The following DSC2 variants were observed in gnomAD, a reference collection of about 807,000 sequenced individuals.
DSC2 encodes desmocollin-2.
Under a neutral mutation model 87.6 loss-of-function variants are expected in DSC2, and 51 were observed. That is an observed-to-expected ratio of 0.58 (90% CI 0.46 to 0.74). DSC2 has a LOEUF of 0.74. Ranked by LOEUF, DSC2 falls within the 30% of genes least tolerant of loss-of-function variation. DSC2 has a pLI of 0.00. For missense variants in DSC2, 1,066 were observed against 1,089.5 expected, an observed-to-expected ratio of 0.98 and a Z score of 0.30; for synonymous variants, 383 against 393.2, an observed-to-expected ratio of 0.97 and a Z score of 0.31.
At position 31,091,028 on chromosome 18, in the gene DSC2, C is replaced by G; in HGVS notation, c.474G>C (p.Gln158His). 6.2e-7 allele frequency: 1 copy of G among 1,613,894 alleles called. No homozygotes were observed. The highest frequency in any genetic ancestry group is 2.2e-5 in the East Asian group (1 of 44,858). ...ACAGCAGAAAGAAAGAAAACGGTAC[C>G]TGTTGAAGGAAAAGTGGAAAAGGAC... Reference protein sequence around the residue: ...SLGPFPLFLQQVQSDTAQNYT... With the variant: ...SLGPFPLFLQHVQSDTAQNYT... The change falls in exon 4 of 16, where the codon CAG becomes CAC. Residue 158 changes from glutamine (Q) to histidine (H), a missense_variant and splice_region_variant. Gln to His is a conservative substitution (Grantham distance 24). Transcript: ENST00000280904.
chr18:31,074,382 A>G (rs1206827274), intron 12 of DSC2, among the ~76,000 whole-genome samples: 7 of 151,900 alleles, frequency 4.6e-5, no homozygotes. Context: ...TGACTGCATT[A>G]GACCAAGTCT....
intron 15 of DSC2, 40 bp downstream of exon 15, chr18:31,068,853 GA>G: frequency 1.2e-6 from 2 of 1,610,836 alleles, no homozygotes; most frequent in South Asian, 2.2e-5. Flanking sequence ...AAAGTTTAAA[GA>G]AAATTAAAAT....
At chr18:31,074,615 C>CA (rs578004417) in intron 12 of DSC2, 68 bp downstream of exon 12, 33,587 of 1,158,760 alleles carry the variant, frequency 0.029, no homozygotes, top group Non-Finnish European at 0.034. Flanking sequence ...CTATTTCATA[C>CA]AAAAAAAAAA....
chr18:31,069,197 C>A (rs1391343834), intron 14 of DSC2, 46 bp from the exon 15 acceptor site: 6 of 1,611,788 alleles, frequency 3.7e-6, no homozygotes, highest in Admixed American at 1.7e-5. Flanking sequence ...GAGAGGAACA[C>A]AAAATTATGA....
chr18:31,066,709 T>C lies in DSC2; in HGVS notation c.*1306A>G, dbSNP rs1331241814. 6.6e-6 allele frequency: 1 copy of C among 152,162 alleles called. No individual in the cohort carries two copies. The highest frequency in any genetic ancestry group is 1.5e-5 in the Non-Finnish European group (1 of 67,998). 9.4% of individuals were successfully genotyped at this position (152,162 alleles called of 1,614,324 possible). A position where few individuals can be genotyped will look rare whatever the true frequency, so the allele number is the denominator to read the frequency against. On this transcript the variant is annotated 3_prime_UTR_variant, in exon 16 of 16. Coordinates refer to ENST00000280904, the MANE Select transcript of DSC2 (RefSeq NM_024422.6). ...TAAGTTTCATTTTGTTTTACTGTTT[T>C]AAAATTTAAATAGTTTGGCTCATTT...
Position 31,078,557 on chromosome 18 carries a change from GT to G in DSC2, c.1663+1289del, listed in dbSNP as rs200867100. 1.5e-3 allele frequency among the ~76,000 whole-genome samples: 231 copies of G among 149,090 alleles called. 3 individuals carry two copies. In the East Asian group the frequency reaches 0.025, roughly 16 times the overall value. On this transcript the variant is annotated intron_variant, in intron 11 of 15. Transcript: ENST00000280904. Reference sequence around the variant, plus strand: ...ATTTCCAAGTGCCGTTGAGTTTCATGTTTTTTTTTTCTTTTCATTTGCCTTT... The same window carrying G: ...ATTTCCAAGTGCCGTTGAGTTTCATGTTTTTTTTTCTTTTCATTTGCCTTT...
At chr18:31,071,975 G>A in intron 12 of DSC2, 134 bp from the exon 13 acceptor site, 1 of 809,030 alleles carries the variant, frequency 1.2e-6, no homozygotes, top group South Asian at 1.5e-5. Context: ...GCTGCTAGAA[G>A]ATTCTAAATG....
intron 1 of DSC2, 27 bp downstream of exon 1, chr18:31,101,876 C>T (rs1321829630): frequency 6.5e-7 from 1 of 1,530,256 alleles, no homozygotes; most frequent in Admixed American, 2.0e-5. Flanking sequence ...CCCCCTTCCC[C>T]GGAGCGGTGG....
intron 3 of DSC2, 113 bp downstream of exon 3, chr18:31,091,988 T>A: frequency 1.8e-6 from 2 of 1,132,014 alleles, no homozygotes. Flanking sequence ...ATGGTTTTCA[T>A]TCGTCTTTAA....
chr18:31,070,661 T>C (rs1986791433), intron 14 of DSC2, 65 bp downstream of exon 14: 6 of 1,606,470 alleles, frequency 3.7e-6, no homozygotes, highest in African/African-American at 1.3e-5. Context: ...AAGATCATTT[T>C]AGAAGGAATA....
intron 15 of DSC2, 171 bp from the exon 16 acceptor site, chr18:31,068,383 C>T (rs1276704515): frequency 1.9e-6 from 3 of 1,585,456 alleles, no homozygotes; most frequent in Admixed American, 1.7e-5. Context: ...CTGTTTCATA[C>T]ATCACACTAT....
At position 31,062,768 on chromosome 18, in the gene DSC2, C is replaced by T. The variant is rs1986525795; in HGVS notation, c.*5247G>A. Reference sequence around the variant, plus strand: ...CCTGAACCACAATATTCAGACACTACCCCTTCTGTCTGCCCCTCTCACTAT... The same window carrying T: ...CCTGAACCACAATATTCAGACACTATCCCTTCTGTCTGCCCCTCTCACTAT... On this transcript the variant is annotated 3_prime_UTR_variant, in exon 16 of 16. Transcript: ENST00000280904. The T allele has an allele frequency of 6.6e-6, 1 of 152,072 alleles. No homozygotes were observed. Among genetic ancestry groups the T allele is most frequent in the South Asian group, 2.1e-4 (1 of 4,826 alleles). The allele number at this position is 152,072 out of a possible 1,614,324, so 9.4% of individuals were successfully genotyped here. A position where few individuals can be genotyped will look rare whatever the true frequency, so the allele number is the denominator to read the frequency against.
chr18:31,068,366 G>C, intron 15 of DSC2, 154 bp from the exon 16 acceptor site: 2 of 1,609,696 alleles, frequency 1.2e-6, no homozygotes, highest in Admixed American at 1.7e-5. Context: ...AAATGCACAT[G>C]ATTGGTCTGT....
rs144839469 is a variant in DSC2, at chr18:31,080,469, C to T, written c.1264-117G>A. The T allele has an allele frequency of 2.9e-4, 354 of 1,224,476 alleles. 2 individuals carry two copies. The African/African-American group carries it at 4.4e-3, about 15-fold the overall frequency. The allele number at this position is 1,224,476 out of a possible 1,614,324, so 75.9% of individuals were successfully genotyped here. A position where few individuals can be genotyped will look rare whatever the true frequency, so the allele number is the denominator to read the frequency against. On this transcript the variant is annotated intron_variant, in intron 9 of 15. Coordinates refer to ENST00000280904, the MANE Select transcript of DSC2 (RefSeq NM_024422.6). ...TTAAGTGTCATGTTGGGAATAACCACGAGAATATGAAACATATATCCAGTG... is the reference window on the plus strand; with the variant it reads ...TTAAGTGTCATGTTGGGAATAACCATGAGAATATGAAACATATATCCAGTG...
chr18:31,101,992 C>T lies in DSC2; in HGVS notation c.-21G>A. The T allele has an allele frequency of 6.7e-7, 1 of 1,491,496 alleles. No individual in the cohort carries two copies. Among genetic ancestry groups the T allele is most frequent in the Non-Finnish European group, 8.9e-7 (1 of 1,124,728 alleles). The allele number at this position is 1,491,496 out of a possible 1,614,324, so 92.4% of individuals were successfully genotyped here. A position where few individuals can be genotyped will look rare whatever the true frequency, so the allele number is the denominator to read the frequency against. On this transcript the variant is annotated 5_prime_UTR_variant, in exon 1 of 16. Transcript: ENST00000280904. ...TCCATGGAGAGGGCTCGGGGCAGGT[C>T]GCGGGCCGAGCGTCGGGCCGGGGTA...
In DSC2 at chr18:31,070,837, C is replaced by T. The variant is rs112532429; in HGVS notation, c.2139G>A (p.Thr713=). The T allele has an allele frequency of 5.3e-5, 85 of 1,613,478 alleles. No homozygotes were observed. The highest frequency in any genetic ancestry group is 1.3e-4 in the Admixed American group (8 of 59,968). The part of the protein sequence containing the change: ...GIALLFCILF[T]LVCGASGTSK... Reference sequence around the variant, plus strand: ...ACGTCCCAGAAGCCCCACAGACCAGCGTAAACAGGATGCCTGGAGGAAGAA... The same window carrying T: ...ACGTCCCAGAAGCCCCACAGACCAGTGTAAACAGGATGCCTGGAGGAAGAA... The change falls in exon 14 of 16, where the codon ACG becomes ACA. Residue 713 remains threonine, a synonymous_variant. Coordinates refer to ENST00000280904, the MANE Select transcript of DSC2 (RefSeq NM_024422.6).
rs527746068 is a variant in DSC2 at position 31,101,756 on chromosome 18, C to A, written c.69+147G>T. On this transcript the variant is annotated intron_variant, in intron 1 of 15. Coordinates refer to ENST00000280904, the MANE Select transcript of DSC2 (RefSeq NM_024422.6). ...TCCTCTTCCTATCTGCCCTCCCCCA[C>A]CCCCGCCAACTCCATTTTCTAGCCA... is the stretch of plus-strand genomic sequence containing the variant. The A allele has an allele frequency of 6.5e-4, 400 of 610,816 alleles. 8 individuals carry two copies. In the African/African-American group the frequency reaches 7.2e-3, roughly 11 times the overall value. The allele number at this position is 610,816 out of a possible 1,614,324, so 37.8% of individuals were successfully genotyped here. A position where few individuals can be genotyped will look rare whatever the true frequency, so the allele number is the denominator to read the frequency against.
rs1986645444 is a variant in DSC2 at position 31,067,074 on chromosome 18, T to G, written c.*941A>C. 1 of 151,926 alleles carries G rather than the reference T, an allele frequency of 6.6e-6. No homozygotes were observed. Among genetic ancestry groups the G allele is most frequent in the South Asian group, 2.1e-4 (1 of 4,832 alleles). The allele number at this position is 151,926 out of a possible 1,614,324, so 9.4% of individuals were successfully genotyped here. The stretch of plus-strand genomic sequence containing the variant: ...TTAAAGGTTTTTTTTGTTGAAGAGA[T>G]AATGAAGCAATCACCAAGATATTTG... On this transcript the variant is annotated 3_prime_UTR_variant, in exon 16 of 16. Coordinates refer to ENST00000280904, the MANE Select transcript of DSC2 (RefSeq NM_024422.6).
chr18:31,074,421 A>ATGTGTGTGTG (rs71175757), intron 12 of DSC2, among the ~76,000 whole-genome samples: 86 of 140,048 alleles, frequency 6.1e-4, no homozygotes, highest in Admixed American at 8.7e-4. Flanking sequence ...AAGAGAAAAA[A>ATGTGTGTGTG]TGTGTGTGTG....
Sources: allele counts gnomAD v4.1 joint callset (sites outside exome capture counted in the v4.1 genomes callset), GRCh38; gene constraint gnomAD v4.1.1; transcripts MANE v1.5; gene names NCBI Gene and HGNC (gene_info 2026-07-23, HGNC 2026-07-21).